Variants in MED27 observed in about 807,000 individuals in gnomAD.
MED27 encodes mediator of RNA polymerase II transcription subunit 27.
Under a neutral mutation model 38.2 loss-of-function variants are expected in MED27, and 30 were observed. The ratio of observed to expected loss-of-function variants is 0.79; its 90% CI spans 0.59 to 1.07. The LOEUF is 1.07. Among genes scored for constraint, MED27 ranks in the 50% least tolerant of loss-of-function variants. The probability of loss-of-function intolerance (pLI) is 0.00; values close to 1 mark genes in which losing one functional copy is unlikely to be tolerated. For missense variants in MED27, 289 were observed against 397.5 expected, an observed-to-expected ratio of 0.73 and a Z score of 2.32; for synonymous variants, 122 against 153.5, an observed-to-expected ratio of 0.79 and a Z score of 1.52.
At chr9:131,882,050 G>A (rs936266510) in intron 6 of MED27, among the ~76,000 whole-genome samples, 8 of 151,980 alleles carry the variant, frequency 5.3e-5, no homozygotes, top group Admixed American at 3.3e-4. Context: ...CACCGCACCC[G>A]GCCCCATTAG....
chr9:132,038,294 C>A (rs1833127930), intron 2 of MED27, among the ~76,000 whole-genome samples: 1 of 149,882 alleles, frequency 6.7e-6, no homozygotes, highest in South Asian at 2.1e-4. Context: ...CGGGTTCACG[C>A]CATTCTCCTG....
At chr9:132,026,096 T>A (rs748989622) in intron 2 of MED27, among the ~76,000 whole-genome samples, 1 of 152,172 alleles carries the variant, frequency 6.6e-6, no homozygotes, top group Non-Finnish European at 1.5e-5. Context: ...CTCAGCAGCC[T>A]TACTCAAACT....
intron 4 of MED27, among the ~76,000 whole-genome samples, 159 bp from the exon 5 acceptor site, chr9:131,894,151 G>C (rs1564272351): frequency 6.6e-6 from 1 of 152,196 alleles, no homozygotes. Context: ...CTCAATAACA[G>C]CAAGTTCTTT....
At chr9:132,024,300 G>T (rs1336225667) in intron 2 of MED27, among the ~76,000 whole-genome samples, 1 of 152,182 alleles carries the variant, frequency 6.6e-6, no homozygotes, top group Non-Finnish European at 1.5e-5. Context: ...ATCCATGGGG[G>T]GCAGTATTGT....
intron 3 of MED27, among the ~76,000 whole-genome samples, chr9:131,957,909 A>G (rs114875014): frequency 0.016 from 2,449 of 151,608 alleles, 54 homozygotes; most frequent in African/African-American, 0.05. Flanking sequence ...AAAAAAAAAA[A>G]AAAGAAAGAA....
intron 4 of MED27, among the ~76,000 whole-genome samples, chr9:131,901,411 G>C (rs1205017513): frequency 1.3e-5 from 2 of 152,186 alleles, no homozygotes; most frequent in African/African-American, 4.8e-5. Context: ...TGAGGCCTAG[G>C]GAGGTTAAGA....
chr9:132,006,879 C>CA (rs1323165213), intron 3 of MED27, among the ~76,000 whole-genome samples: 1 of 152,272 alleles, frequency 6.6e-6, no homozygotes, highest in Admixed American at 6.5e-5. Flanking sequence ...ACTGGTTTTA[C>CA]ATCAAGCAAA....
intron 2 of MED27, among the ~76,000 whole-genome samples, chr9:132,038,427 C>T (rs1362303623): frequency 1.3e-5 from 2 of 151,456 alleles, no homozygotes; most frequent in African/African-American, 2.4e-5. Flanking sequence ...CTCCTGACCT[C>T]GTGATCCGCC....
In MED27 at chr9:131,862,594, G is replaced by C. The variant is rs4740322; in HGVS notation, c.801+469C>G. On this transcript the variant is annotated intron_variant, in intron 7 of 7. Transcript: ENST00000292035. The surrounding 1 kb of genome is among the most constrained non-coding windows in gnomAD (Gnocchi z 4.6). ...TTGAAGAACCAGCTCGCAAGATACTGAACAGGCACTGGCAGGAGCCGGCTG... is the reference window on the plus strand; with the variant it reads ...TTGAAGAACCAGCTCGCAAGATACTCAACAGGCACTGGCAGGAGCCGGCTG... Among the ~76,000 whole-genome samples, 3,171 of 152,312 alleles carry C rather than the reference G, an allele frequency of 0.021. 58 individuals carry two copies. Among genetic ancestry groups the C allele is most frequent in the Admixed American group, 0.052 (790 of 15,298 alleles).
intron 3 of MED27, among the ~76,000 whole-genome samples, chr9:132,004,900 C>G (rs147808916): frequency 6.6e-6 from 1 of 152,146 alleles, no homozygotes; most frequent in African/African-American, 2.4e-5. Flanking sequence ...AAGACTAGGC[C>G]GTAAAAGAGA....
chr9:131,889,451 C>T lies in MED27; in HGVS notation c.681+4434G>A, dbSNP rs1200500691. On this transcript the variant is annotated intron_variant, in intron 5 of 7. Coordinates refer to ENST00000292035, the MANE Select transcript of MED27 (RefSeq NM_004269.4). This position sits in a 1 kb window ranked among gnomAD's most constrained non-coding sequence, Gnocchi z 4.2. Reference sequence around the variant, plus strand: ...AGGACAATGGCCAGGTATTCATCTTCAATCCTGCCTTTTAACATGCTGAGT... The same window carrying T: ...AGGACAATGGCCAGGTATTCATCTTTAATCCTGCCTTTTAACATGCTGAGT... Among the ~76,000 whole-genome samples, 4 of 152,268 alleles carry T rather than the reference C, an allele frequency of 2.6e-5. No homozygotes were observed. In the East Asian group the frequency reaches 7.7e-4, roughly 29 times the overall value.
chr9:132,009,294 A>G lies in MED27; in HGVS notation c.479+5043T>C, dbSNP rs138652735. On this transcript the variant is annotated intron_variant, in intron 3 of 7. Coordinates refer to ENST00000292035, the MANE Select transcript of MED27 (RefSeq NM_004269.4). ...GTGTGCGATGTGATGGTTTTAAAAT[A>G]AATATGTCCACAAATTCTTTGACAC... Among the ~76,000 whole-genome samples the G allele has an allele frequency of 4.6e-5, 7 of 152,342 alleles. No homozygotes were observed. The East Asian group carries it at 1.3e-3, about 29-fold the overall frequency.
chr9:131,967,295 ATC>A (rs1386388392), intron 3 of MED27, among the ~76,000 whole-genome samples: 1 of 152,184 alleles, frequency 6.6e-6, no homozygotes, highest in Non-Finnish European at 1.5e-5. Flanking sequence ...TTCCCAATAA[ATC>A]TCTCTTAAAT....
chr9:132,045,837 C>G (rs901106484), intron 2 of MED27, among the ~76,000 whole-genome samples: 1 of 152,198 alleles, frequency 6.6e-6, no homozygotes. Flanking sequence ...AAAATGTTAT[C>G]TGTAGGTTCT....
chr9:131,922,743 T>G (rs1428007070), intron 4 of MED27, among the ~76,000 whole-genome samples: 1 of 152,130 alleles, frequency 6.6e-6, no homozygotes, highest in Non-Finnish European at 1.5e-5. Context: ...ACCCATTAAC[T>G]CGTCATTTAG....
chr9:131,927,821 C>T (rs550696703), intron 4 of MED27, among the ~76,000 whole-genome samples: 1 of 152,226 alleles, frequency 6.6e-6, no homozygotes, highest in Admixed American at 6.5e-5. Context: ...AAGAAACTGT[C>T]GATGATGGAC....
At chr9:131,882,790 G>A (rs1839071063) in intron 6 of MED27, among the ~76,000 whole-genome samples, 2 of 152,106 alleles carry the variant, frequency 1.3e-5, no homozygotes, top group Non-Finnish European at 2.9e-5. Flanking sequence ...TGTGTTTCCT[G>A]GCCACAGCCC....
intron 3 of MED27, among the ~76,000 whole-genome samples, chr9:131,956,845 C>T (rs951314833): frequency 1.3e-5 from 2 of 149,946 alleles, no homozygotes; most frequent in Non-Finnish European, 3.0e-5. Flanking sequence ...AAAACACATA[C>T]ACACTTTCAG....
At chr9:131,993,170 G>A (rs946468997) in intron 3 of MED27, among the ~76,000 whole-genome samples, 3 of 151,850 alleles carry the variant, frequency 2.0e-5, no homozygotes, top group East Asian at 1.9e-4. Flanking sequence ...GTCTACCACC[G>A]TGCCTTACCT....
Sources: allele counts gnomAD v4.1 joint callset (sites outside exome capture counted in the v4.1 genomes callset), GRCh38; gene constraint gnomAD v4.1.1; non-coding constraint Gnocchi (gnomAD v3.1); transcripts MANE v1.5; gene names NCBI Gene and HGNC (gene_info 2026-07-23, HGNC 2026-07-21).